PCDH11X: variants seen among roughly 807,000 people sequenced by gnomAD.
PCDH11X encodes the protein protocadherin-11 X-linked.
Under a neutral mutation model 53.3 loss-of-function variants are expected in PCDH11X, and 18 were observed. That is an observed-to-expected ratio of 0.34 (90% CI 0.23 to 0.50). PCDH11X has a LOEUF of 0.50. Among genes scored for constraint, PCDH11X ranks in the 20% least tolerant of loss-of-function variants. PCDH11X has a pLI of 0.98. For missense variants in PCDH11X, 570 were observed against 1,032.4 expected (o/e 0.55, Z 6.14); for synonymous variants, 279 against 393.3 (o/e 0.71, Z 3.44).
chrX:92,376,012 A>G (rs6618998), intron 8 of PCDH11X, among the ~76,000 whole-genome samples: 14,312 of 110,878 alleles, frequency 0.13, 1,307 homozygotes, highest in East Asian at 0.63. Flanking sequence ...AGCACTGTGC[A>G]TATGTGAATG....
chrX:92,412,505 AATAGTATATATATAT>A (rs1212220239), intron 9 of PCDH11X, among the ~76,000 whole-genome samples: 194 of 63,246 alleles, frequency 3.1e-3, no homozygotes, highest in African/African-American at 9.7e-3. Context: ...AAATAAAGAA[AATAGTATATATATAT>A]ATATATATAT....
chrX:91,893,512 G>GA (rs1450726663), intron 6 of PCDH11X, among the ~76,000 whole-genome samples: 11 of 109,226 alleles, frequency 1.0e-4, no homozygotes, highest in Non-Finnish European at 1.9e-5. Flanking sequence ...TATATGGCGA[G>GA]AAAAAAAGAC....
intron 6 of PCDH11X, among the ~76,000 whole-genome samples, chrX:92,071,993 C>A (rs1474368216): frequency 9.0e-6 from 1 of 111,128 alleles, no homozygotes; most frequent in Non-Finnish European, 1.9e-5. Flanking sequence ...TCTAAGCTTG[C>A]CCTCAAACCA....
At chrX:92,020,455 A>G (rs192101309) in intron 6 of PCDH11X, among the ~76,000 whole-genome samples, 239 of 111,548 alleles carry the variant, frequency 2.1e-3, no homozygotes, top group African/African-American at 7.5e-3. Context: ...TTCAGACCTG[A>G]CCCTGACCCA....
At chrX:91,819,157 G>C (rs1473026141) in intron 4 of PCDH11X, among the ~76,000 whole-genome samples, 2 of 109,518 alleles carry the variant, frequency 1.8e-5, no homozygotes. Flanking sequence ...CCCTTTGAAG[G>C]CTTGTTCTTT....
chrX:92,268,642 A>T (rs1403662309), intron 8 of PCDH11X, among the ~76,000 whole-genome samples: 1 of 112,153 alleles, frequency 8.9e-6, no homozygotes. Flanking sequence ...TACTGCAGGT[A>T]CACTGTGAAG....
chrX:92,583,203 G>T (rs759083567), intron 10 of PCDH11X, among the ~76,000 whole-genome samples: 2 of 102,485 alleles, frequency 2.0e-5, no homozygotes, highest in African/African-American at 7.2e-5. Context: ...AGGTTCAAGC[G>T]ATTCTCCTGC....
At chrX:92,308,684 G>A (rs1017739143) in intron 8 of PCDH11X, among the ~76,000 whole-genome samples, 2 of 110,862 alleles carry the variant, frequency 1.8e-5, no homozygotes, top group Admixed American at 9.7e-5. Flanking sequence ...GGACACTGTC[G>A]ACAGGGTGAA....
chrX:92,129,910 C>A (rs1339480953), intron 6 of PCDH11X, among the ~76,000 whole-genome samples: 1 of 111,645 alleles, frequency 9.0e-6, no homozygotes, highest in Non-Finnish European at 1.9e-5. Flanking sequence ...TTAACCCCAA[C>A]AACATCATTC....
chrX:92,285,677 A>G (rs1055866091), intron 8 of PCDH11X, among the ~76,000 whole-genome samples: 1 of 110,849 alleles, frequency 9.0e-6, no homozygotes, highest in Non-Finnish European at 1.9e-5. Flanking sequence ...ATTATTTATT[A>G]TTCTGTGCAT....
chrX:92,473,460 CTAT>C (rs1435175552), intron 10 of PCDH11X, among the ~76,000 whole-genome samples: 1 of 111,533 alleles, frequency 9.0e-6, no homozygotes, highest in Admixed American at 9.5e-5. Context: ...GATTTATCTT[CTAT>C]TATTATTCTT....
chrX:91,793,699 T>C (rs1033450055), intron 1 of PCDH11X, among the ~76,000 whole-genome samples: 33 of 111,446 alleles, frequency 3.0e-4, no homozygotes, highest in Non-Finnish European at 4.7e-4. Context: ...GGAGAGTATT[T>C]GGGAGCAAAA....
At chrX:92,405,833 G>A (rs1389755576) in intron 9 of PCDH11X, among the ~76,000 whole-genome samples, 2 of 111,081 alleles carry the variant, frequency 1.8e-5, no homozygotes, top group South Asian at 3.8e-4. Context: ...AGTGGCTCAC[G>A]CCTGTAATCC....
intron 6 of PCDH11X, among the ~76,000 whole-genome samples, chrX:91,957,491 C>T (rs1320448052): frequency 9.1e-6 from 1 of 110,159 alleles, no homozygotes; most frequent in African/African-American, 3.4e-5. Context: ...TGTTTGTTTT[C>T]CTTTTGACAG....
intron 6 of PCDH11X, among the ~76,000 whole-genome samples, chrX:92,160,466 C>A (rs1444376571): frequency 9.2e-6 from 1 of 108,476 alleles, no homozygotes; most frequent in Non-Finnish European, 1.9e-5. Context: ...CGATCCTATC[C>A]AGGTTGCTGC....
intron 8 of PCDH11X, among the ~76,000 whole-genome samples, chrX:92,345,400 A>AAGG: frequency 9.1e-6 from 1 of 109,853 alleles, no homozygotes; most frequent in Non-Finnish European, 1.9e-5. Context: ...GAAAATAATA[A>AAGG]ATTTGGAGGG....
intron 10 of PCDH11X, among the ~76,000 whole-genome samples, chrX:92,514,784 A>T (rs920413243): frequency 3.7e-5 from 4 of 108,236 alleles, no homozygotes; most frequent in African/African-American, 1.4e-4. Flanking sequence ...GTGGTGGCTC[A>T]CGCCTGTAAT....
At chrX:92,483,019 G>A (rs1458195131) in intron 10 of PCDH11X, among the ~76,000 whole-genome samples, 5 of 106,784 alleles carry the variant, frequency 4.7e-5, no homozygotes, top group Non-Finnish European at 1.9e-5. Context: ...ATACATTTTA[G>A]TGTATGAGGT....
chrX:92,091,648 G>C (rs2064050525), intron 6 of PCDH11X, among the ~76,000 whole-genome samples: 1 of 111,042 alleles, frequency 9.0e-6, no homozygotes, highest in African/African-American at 3.3e-5. Flanking sequence ...ACTCAAAGTG[G>C]GGGCTTCCAG....
Sources: gnomAD v4.1 joint callset for allele counts (sites outside exome capture counted in the v4.1 genomes callset) on GRCh38, gnomAD v4.1.1 for gene constraint, MANE v1.5 for transcripts, NCBI Gene and HGNC (gene_info 2026-07-23, HGNC 2026-07-21) for gene names.